The following CD1E variants were observed in gnomAD, a reference collection of about 807,000 sequenced individuals.
CD1E encodes the protein T-cell surface glycoprotein CD1e, membrane-associated.
Under a neutral mutation model 40.1 loss-of-function variants are expected in CD1E, and 49 were observed. The observed-to-expected ratio is 1.22, with a 90% CI of 0.97 to 1.55. The LOEUF (loss-of-function observed/expected upper bound fraction) is 1.55, where lower values mean the gene tolerates loss of function less well. Ranked by LOEUF, CD1E falls within the 40% of genes most tolerant of loss-of-function variation. The probability of loss-of-function intolerance (pLI) is 0.00; values close to 1 mark genes in which losing one functional copy is unlikely to be tolerated. For synonymous variants in CD1E, 189 were observed against 178.3 expected (o/e 1.06, Z -0.48); for missense variants, 492 against 471.3 (o/e 1.04, Z -0.41).
chr1:158,356,219 C>T, intron 4 of CD1E, 114 bp downstream of exon 4: 1 of 1,230,082 alleles, frequency 8.1e-7, no homozygotes, highest in East Asian at 2.4e-5. Flanking sequence ...AAAACTGGGA[C>T]AATCAAAATA....
chr1:158,354,092 G>GCTTCCTCTCAGCCCTCT, intron 1 of CD1E, 46 bp downstream of exon 1: 1 of 1,539,022 alleles, frequency 6.5e-7, no homozygotes, highest in African/African-American at 1.4e-5. Flanking sequence ...GGGCACCAGA[G>GCTTCCTCTCAGCCCTCT]GGCTGAGAGG....
Position 158,356,805 on chromosome 1 carries a change from A to G in CD1E, c.1076A>G (p.Asn359Ser). Residue 359 changes from asparagine (N) to serine (S), a missense_variant, in exon 6 of 6, where the codon AAT becomes AGT. Coordinates refer to ENST00000368167, the MANE Select transcript of CD1E (RefSeq NM_030893.4). ...GGAGCCAACACTCAGGACACCAAGA[A>G]TTCAAGACATCAGTTCTGCTTGGCA... ...LMGANTQDTK[N>S]SRHQFCLAQV... The G allele has an allele frequency of 1.2e-6, 2 of 1,614,042 alleles. No individual in the cohort carries two copies. Among genetic ancestry groups the G allele is most frequent in the Non-Finnish European group, 1.7e-6 (2 of 1,179,962 alleles).
In CD1E at chr1:158,353,985, T is replaced by G; in HGVS notation, c.-4T>G. 1 of 1,613,806 alleles carries G rather than the reference T, an allele frequency of 6.2e-7. No homozygotes were observed. Among genetic ancestry groups the G allele is most frequent in the Non-Finnish European group, 8.5e-7 (1 of 1,179,678 alleles). On this transcript the variant is annotated 5_prime_UTR_variant, in exon 1 of 6. Transcript: ENST00000368167. ...CAAGGAATCCCTCCTTTAACAGAGC[T>G]TCAATGCTGCTCCTGTTCCTCCTCT... is the stretch of plus-strand genomic sequence containing the variant.
In CD1E at chr1:158,356,608, T is replaced by C; in HGVS notation, c.998+17T>C. 1 of 1,606,788 alleles carries C rather than the reference T, an allele frequency of 6.2e-7. No individual in the cohort carries two copies. The highest frequency in any genetic ancestry group is 2.2e-5 in the East Asian group (1 of 44,842). On this transcript the variant is annotated intron_variant, in intron 5 of 5. Transcript: ENST00000368167. ...AAAACAGAGGTGAGCTTTTTCTTGTTCTTTGTTTCTTCAGCCTGTAATCAA... is the reference window on the plus strand; with the variant it reads ...AAAACAGAGGTGAGCTTTTTCTTGTCCTTTGTTTCTTCAGCCTGTAATCAA...
Position 158,355,819 on chromosome 1 carries a change from C to T in CD1E, c.626-8C>T. On this transcript the variant is annotated splice_polypyrimidine_tract_variant and splice_region_variant and intron_variant, in intron 3 of 5. Coordinates refer to ENST00000368167, the MANE Select transcript of CD1E (RefSeq NM_030893.4). ...AATTCCATTTTTTTTCTATCTTCTT[C>T]TTCCTAGTGAAGCCAGAGGCCTGGC... 1 of 1,602,786 alleles carries T rather than the reference C, an allele frequency of 6.2e-7. No homozygotes were observed. The highest frequency in any genetic ancestry group is 1.7e-5 in the Admixed American group (1 of 57,320).
intron 4 of CD1E, 45 bp downstream of exon 4, chr1:158,356,150 C>T: frequency 1.2e-6 from 2 of 1,604,816 alleles, no homozygotes; most frequent in Non-Finnish European, 1.7e-6. Context: ...GAAAATAGCC[C>T]TGGGGCTTTT....
chr1:158,356,520 C>G lies in CD1E; in HGVS notation c.927C>G (p.Ile309Met). The G allele has an allele frequency of 6.2e-7, 1 of 1,613,174 alleles. No individual in the cohort carries two copies. The highest frequency in any genetic ancestry group is 8.5e-7 in the Non-Finnish European group (1 of 1,179,304). The change falls in exon 5 of 6, where the codon ATC becomes ATG. Residue 309 changes from isoleucine to methionine, a missense_variant. By Grantham distance (10) the Ile-to-Met change is conservative. Coordinates refer to ENST00000368167, the MANE Select transcript of CD1E (RefSeq NM_030893.4). ...IHWGGYSIFL[I>M]LICLTVIVTL... ...CAGGTGGATATTCCATCTTTCTCAT[C>G]CTGATCTGTTTGACTGTGATAGTTA...
In CD1E at chr1:158,354,487, G is replaced by A; in HGVS notation, c.169G>A (p.Gly57Arg). 6.2e-7 allele frequency: 1 copy of A among 1,614,152 alleles called. No homozygotes were observed. The highest frequency in any genetic ancestry group is 1.3e-5 in the African/African-American group (1 of 75,040). The change falls in exon 2 of 6, where the codon GGA (glycine) becomes AGA (arginine). Residue 57 changes from glycine (G) to arginine (R), a missense_variant. Coordinates refer to ENST00000368167, the MANE Select transcript of CD1E (RefSeq NM_030893.4). Reference protein sequence around the residue: ...NHSWAHSEGSGWLGDLQTHGW... With the variant: ...NHSWAHSEGSRWLGDLQTHGW... ...CAGCTGGGCACACAGTGAGGGCTCA[G>A]GATGGCTGGGTGACCTGCAGACTCA...
At chr1:158,356,248 C>T (rs1472184396) in intron 4 of CD1E, 143 bp downstream of exon 4, 5 of 1,019,316 alleles carry the variant, frequency 4.9e-6, no homozygotes, top group Non-Finnish European at 7.0e-6. Context: ...TAGAGTATGA[C>T]AGTAGTTAAA....
rs200686963 is a variant in CD1E, at chr1:158,357,045, AT to A, written c.*159del. 1,459 of 581,058 alleles carry A rather than the reference AT, an allele frequency of 2.5e-3. 7 individuals are homozygous for A. Among genetic ancestry groups the A allele is most frequent in the South Asian group, 0.01 (390 of 38,986 alleles). The allele number at this position is 581,058 out of a possible 1,614,324, so 36.0% of individuals were successfully genotyped here. ...AATACTTTTTCCCCATCTTCCAGAG[AT>A]TTTTTTTTTCCTGCTTTGGCTACAT... On this transcript the variant is annotated 3_prime_UTR_variant, in exon 6 of 6. Transcript: ENST00000368167.
chr1:158,355,292 A>T lies in CD1E; in HGVS notation c.356-8A>T, dbSNP rs755187281. 2.5e-6 allele frequency: 4 copies of T among 1,611,584 alleles called. No individual in the cohort carries two copies. The East Asian group carries it at 8.9e-5, about 36-fold the overall frequency. On this transcript the variant is annotated splice_polypyrimidine_tract_variant and splice_region_variant and intron_variant, in intron 2 of 5. Transcript: ENST00000368167. ...CCATAATGATCTCTCTTCCCTGTCC[A>T]CTCTCAGACCCCTTCGAGATCCAGA...
At position 158,355,981 on chromosome 1, in the gene CD1E, G is replaced by A. The variant is rs1436734185; in HGVS notation, c.780G>A (p.Leu260=). 1 of 1,614,142 alleles carries A rather than the reference G, an allele frequency of 6.2e-7. No individual in the cohort carries two copies. Among genetic ancestry groups the A allele is most frequent in the Non-Finnish European group, 8.5e-7 (1 of 1,180,032 alleles). The stretch of plus-strand genomic sequence containing the variant: ...GGGGCACTCAGCGAGGGGACGTCCT[G>A]CCTAATGCTGACGAGACATGGTATC... The part of the protein sequence containing the change: ...EQRGTQRGDV[L]PNADETWYLR... The change falls in exon 4 of 6, where the codon CTG becomes CTA. Residue 260 remains leucine, a synonymous_variant. Transcript: ENST00000368167.
chr1:158,355,689 T>C (rs1653543236), intron 3 of CD1E, 120 bp downstream of exon 3: 3 of 1,423,914 alleles, frequency 2.1e-6, no homozygotes, highest in Non-Finnish European at 1.9e-6. Flanking sequence ...ATGTGTGGGT[T>C]CAGGACTGTT....
At position 158,354,562 on chromosome 1, in the gene CD1E, C is replaced by T. The variant is rs1443257264; in HGVS notation, c.244C>T (p.His82Tyr). Reference sequence around the variant, plus strand: ...CATCCGCTTTCTGAAGCCCTGGTCCCATGGAAACTTCAGCAAGCAGGAGCT... The same window carrying T: ...CATCCGCTTTCTGAAGCCCTGGTCCTATGGAAACTTCAGCAAGCAGGAGCT... ...GTIRFLKPWS[H>Y]GNFSKQELKN... The change falls in exon 2 of 6, where the codon CAT (histidine) becomes TAT (tyrosine). Residue 82 changes from histidine (H) to tyrosine (Y), a missense_variant. Physicochemically the swap from His to Tyr is moderately conservative, Grantham distance 83. Transcript: ENST00000368167. 1 of 1,614,052 alleles carries T rather than the reference C, an allele frequency of 6.2e-7. No homozygotes were observed.
rs192346445 is a variant in CD1E, at chr1:158,354,348, T to C, written c.59-29T>C. ...TCACTTTTCCCATCCCTTTACATTCTCTCTACTTGTCATTTCCCTCTCTCT... is the reference window on the plus strand; with the variant it reads ...TCACTTTTCCCATCCCTTTACATTCCCTCTACTTGTCATTTCCCTCTCTCT... On this transcript the variant is annotated intron_variant, in intron 1 of 5. Transcript: ENST00000368167. 3.1e-3 allele frequency: 4,854 copies of C among 1,552,076 alleles called. 13 individuals are homozygous for C. Among genetic ancestry groups the C allele is most frequent in the Non-Finnish European group, 3.7e-3 (4,236 of 1,152,164 alleles).
Position 158,356,013 on chromosome 1 carries a change from CA to C in CD1E, c.814del (p.Thr272ProfsTer16). 1 of 1,614,146 alleles carries C rather than the reference CA, an allele frequency of 6.2e-7. No homozygotes were observed. The highest frequency in any genetic ancestry group is 1.1e-5 in the South Asian group (1 of 91,080). ...GCTGACGAGACATGGTATCTCCGAG[CA>C]ACCCTGGATGTGGCGGCTGGGGAGG... ...PNADETWYLR[A>X]TLDVAAGEAA... On this transcript the variant is annotated frameshift_variant, in exon 4 of 6. Transcript: ENST00000368167. LOFTEE classifies it high-confidence loss of function.
chr1:158,354,122 G>T, intron 1 of CD1E, 76 bp downstream of exon 1: 1 of 1,292,540 alleles, frequency 7.7e-7, no homozygotes, highest in Non-Finnish European at 1.1e-6. Flanking sequence ...GGAGGTCCTG[G>T]GGGAAGGGAG....
chr1:158,355,970 G>C lies in CD1E; in HGVS notation c.769G>C (p.Gly257Arg), dbSNP rs1476247786. The C allele has an allele frequency of 1.7e-5, 27 of 1,614,038 alleles. No homozygotes were observed. The highest frequency in any genetic ancestry group is 2.1e-5 in the Non-Finnish European group (25 of 1,180,042). ...GEQEQRGTQR[G>R]DVLPNADETW... ...GCAGGAGCAGCGGGGCACTCAGCGAGGGGACGTCCTGCCTAATGCTGACGA... is the reference window on the plus strand; with the variant it reads ...GCAGGAGCAGCGGGGCACTCAGCGACGGGACGTCCTGCCTAATGCTGACGA... The change falls in exon 4 of 6, where the codon GGG becomes CGG. Residue 257 changes from glycine to arginine, a missense_variant. Physicochemically the swap from Gly to Arg is moderately radical, Grantham distance 125 (BLOSUM62 -2). Transcript: ENST00000368167.
At position 158,354,637 on chromosome 1, in the gene CD1E, A is replaced by G. The variant is rs1174968488; in HGVS notation, c.319A>G (p.Ile107Val). ...FQLYFHSFIQ[I>V]VQASAGQFQL... ...GTTATACTTCCATAGTTTTATCCAG[A>G]TAGTGCAAGCTTCTGCTGGTCAATT... Residue 107 changes from isoleucine (I) to valine (V), a missense_variant, in exon 2 of 6, where the codon ATA becomes GTA. Transcript: ENST00000368167. 6.2e-7 allele frequency: 1 copy of G among 1,614,110 alleles called. No homozygotes were observed. The highest frequency in any genetic ancestry group is 1.1e-5 in the South Asian group (1 of 91,072).
Sources: allele counts gnomAD v4.1 joint callset, GRCh38; gene constraint gnomAD v4.1.1; transcripts MANE v1.5; gene names NCBI Gene and HGNC (gene_info 2026-07-23, HGNC 2026-07-21).